IL1RAPL2: variants seen among roughly 807,000 people sequenced by gnomAD.
IL1RAPL2 encodes interleukin 1 receptor accessory protein like 2, also known as X-linked interleukin-1 receptor accessory protein-like 2.
Under a neutral mutation model 44.1 loss-of-function variants are expected in IL1RAPL2, and 3 were observed. The ratio of observed to expected loss-of-function variants is 0.07; its 90% confidence interval spans 0.03 to 0.18. The LOEUF is 0.18. IL1RAPL2 is among the 10% of genes least tolerant of loss of function. The probability of loss-of-function intolerance (pLI) is 1.00; values close to 1 mark genes in which losing one functional copy is unlikely to be tolerated. For missense variants in IL1RAPL2, 391 were observed against 496.4 expected (o/e 0.79, Z 2.02); for synonymous variants, 181 against 178.8 (o/e 1.01, Z -0.10).
At chrX:104,786,738 T>C (rs886953515) in intron 2 of IL1RAPL2, among the ~76,000 whole-genome samples, 1 of 111,462 alleles carries the variant, frequency 9.0e-6, no homozygotes, top group African/African-American at 3.3e-5. Flanking sequence ...GCTACTCTCA[T>C]AGGTATCAAA....
At position 105,735,685 on chromosome X, in the gene IL1RAPL2, T is replaced by C. The variant is rs184578819; in HGVS notation, c.903-4861T>C. Among the ~76,000 whole-genome samples, 262 of 111,712 alleles carry C rather than the reference T, an allele frequency of 2.3e-3. 2 individuals carry two copies. Among genetic ancestry groups the C allele is most frequent in the South Asian group, 9.3e-3 (25 of 2,674 alleles). On this transcript the variant is annotated intron_variant, in intron 7 of 10. Transcript: ENST00000372582. ...GAGTGTACCACCCTGCTTTGCCTTATTCTTTCTGTAATTTTCTGCAACTGT... is the reference window on the plus strand; with the variant it reads ...GAGTGTACCACCCTGCTTTGCCTTACTCTTTCTGTAATTTTCTGCAACTGT...
At chrX:104,590,048 G>A (rs566941090) in intron 1 of IL1RAPL2, among the ~76,000 whole-genome samples, 4 of 111,026 alleles carry the variant, frequency 3.6e-5, no homozygotes, top group African/African-American at 1.3e-4. Context: ...TTTTTTGTTT[G>A]TTTGTTGTTT....
At chrX:105,400,910 C>T in intron 5 of IL1RAPL2, among the ~76,000 whole-genome samples, 2 of 111,769 alleles carry the variant, frequency 1.8e-5, no homozygotes, top group East Asian at 5.6e-4. Context: ...TTATAATGAA[C>T]AGAAATGTAT....
chrX:105,491,165 T>C (rs1238304351), intron 6 of IL1RAPL2, among the ~76,000 whole-genome samples: 1 of 112,034 alleles, frequency 8.9e-6, no homozygotes. Context: ...AGTCAACAAC[T>C]GAGCTAAATG....
At chrX:105,726,236 T>C (rs1461441293) in intron 7 of IL1RAPL2, among the ~76,000 whole-genome samples, 15 of 111,912 alleles carry the variant, frequency 1.3e-4, no homozygotes, top group Admixed American at 6.6e-4. Flanking sequence ...TTAAAACATA[T>C]TGGATACTCA....
intron 2 of IL1RAPL2, among the ~76,000 whole-genome samples, chrX:104,787,217 A>G (rs1230640143): frequency 9.0e-6 from 1 of 111,308 alleles, no homozygotes; most frequent in Non-Finnish European, 1.9e-5. Flanking sequence ...ATGGATATGG[A>G]ATAAAATGTC....
intron 2 of IL1RAPL2, among the ~76,000 whole-genome samples, chrX:104,838,893 A>C (rs1602751479): frequency 1.2e-5 from 1 of 84,731 alleles, no homozygotes; most frequent in Non-Finnish European, 2.2e-5. Flanking sequence ...TCTGTGGCCC[A>C]GGCTGGAGTG....
At chrX:104,909,341 G>A (rs1292774698) in intron 2 of IL1RAPL2, among the ~76,000 whole-genome samples, 1 of 112,083 alleles carries the variant, frequency 8.9e-6, no homozygotes, top group Non-Finnish European at 1.9e-5. Context: ...TCTTCTCTCA[G>A]CTCGTCAAAG....
At chrX:104,893,174 TTC>T (rs1484554153) in intron 2 of IL1RAPL2, among the ~76,000 whole-genome samples, 3 of 111,954 alleles carry the variant, frequency 2.7e-5, no homozygotes, top group African/African-American at 9.7e-5. Flanking sequence ...ATAATTTCTG[TTC>T]TTTTACATTT....
chrX:105,150,281 G>A (rs949646170), intron 2 of IL1RAPL2, among the ~76,000 whole-genome samples: 1 of 111,813 alleles, frequency 8.9e-6, no homozygotes, highest in African/African-American at 3.2e-5. Flanking sequence ...CTGCCAGTGA[G>A]GTGGAGTGAT....
chrX:105,151,531 G>T (rs189553432), intron 2 of IL1RAPL2, among the ~76,000 whole-genome samples: 9,484 of 108,890 alleles, frequency 0.087, 1,000 homozygotes, highest in African/African-American at 0.3. Context: ...TTGTTTTTTC[G>T]TTTTTTTGGT....
At chrX:105,742,662 C>A (rs559229937) in intron 8 of IL1RAPL2, among the ~76,000 whole-genome samples, 2 of 111,023 alleles carry the variant, frequency 1.8e-5, no homozygotes, top group Middle Eastern at 4.7e-3. Context: ...GGGTTCAGGT[C>A]CCCTCTTCTC....
chrX:105,082,427 G>C (rs2032423287), intron 2 of IL1RAPL2, among the ~76,000 whole-genome samples: 2 of 111,068 alleles, frequency 1.8e-5, no homozygotes, highest in African/African-American at 6.6e-5. Flanking sequence ...ACCAGGTCCT[G>C]GGTTCACAGC....
At chrX:105,468,850 G>T (rs1308650028) in intron 5 of IL1RAPL2, among the ~76,000 whole-genome samples, 1 of 111,919 alleles carries the variant, frequency 8.9e-6, no homozygotes, top group Non-Finnish European at 1.9e-5. Flanking sequence ...AGAGGAAGTT[G>T]GGAGGGACAG....
chrX:104,905,779 C>T (rs910815348), intron 2 of IL1RAPL2, among the ~76,000 whole-genome samples: 21 of 111,105 alleles, frequency 1.9e-4, no homozygotes, highest in African/African-American at 5.3e-4. Flanking sequence ...ATTGACTTGG[C>T]GATCTGGGCT....
At chrX:104,767,822 A>C (rs1268135734) in intron 2 of IL1RAPL2, among the ~76,000 whole-genome samples, 1 of 111,553 alleles carries the variant, frequency 9.0e-6, no homozygotes, top group East Asian at 2.8e-4. Flanking sequence ...AAGTGGCAAG[A>C]AGGTAAAATA....
chrX:104,908,935 G>A (rs1209997640), intron 2 of IL1RAPL2, among the ~76,000 whole-genome samples: 1 of 111,009 alleles, frequency 9.0e-6, no homozygotes, highest in Non-Finnish European at 1.9e-5. Context: ...ATCCTGCAGA[G>A]TGTTTTCCAA....
At chrX:105,204,076 CATCTT>C (rs2033740193) in intron 3 of IL1RAPL2, among the ~76,000 whole-genome samples, 1 of 111,228 alleles carries the variant, frequency 9.0e-6, no homozygotes, top group African/African-American at 3.3e-5. Context: ...ATGGTATAGT[CATCTT>C]AAAGTAGGAC....
chrX:104,648,705 C>G (rs1643425544), intron 1 of IL1RAPL2, among the ~76,000 whole-genome samples: 1 of 111,118 alleles, frequency 9.0e-6, no homozygotes, highest in Non-Finnish European at 1.9e-5. Context: ...AAGACTAGTC[C>G]CTGTAACACA....
Sources: gnomAD v4.1 joint callset for allele counts (sites outside exome capture counted in the v4.1 genomes callset) on GRCh38, gnomAD v4.1.1 for gene constraint, MANE v1.5 for transcripts, NCBI Gene and HGNC (gene_info 2026-07-23, HGNC 2026-07-21) for gene names.